CDH8: variants seen among roughly 807,000 people sequenced by gnomAD.
The protein encoded by CDH8 is cadherin-8.
A neutral mutation model predicts 68.1 loss-of-function variants in CDH8; 17 were observed. That is an observed-to-expected ratio of 0.25 (90% CI 0.17 to 0.37). The LOEUF (loss-of-function observed/expected upper bound fraction) is 0.37, where lower values mean the gene tolerates loss of function less well. Among genes scored for constraint, CDH8 ranks in the 10% least tolerant of loss-of-function variants. The pLI is 1.00. For missense variants in CDH8, 763 were observed against 999.3 expected (o/e 0.76, Z 3.19); for synonymous variants, 372 against 365.1 (o/e 1.02, Z -0.21).
chr16:61,871,815 C>CAAAAAAAAAA (rs144379377), intron 3 of CDH8, among the ~76,000 whole-genome samples: 5 of 43,346 alleles, frequency 1.2e-4, no homozygotes, highest in Admixed American at 4.3e-4. Context: ...GTTCTATATG[C>CAAAAAAAAAA]AAAAAAAAAA....
At chr16:61,816,535 A>G (rs1424719044) in intron 7 of CDH8, among the ~76,000 whole-genome samples, 1 of 152,172 alleles carries the variant, frequency 6.6e-6, no homozygotes, top group Non-Finnish European at 1.5e-5. Flanking sequence ...TTAAAATTGT[A>G]TTCCTCCATC....
At chr16:61,754,066 T>C (rs886961260) in intron 8 of CDH8, among the ~76,000 whole-genome samples, 1 of 152,172 alleles carries the variant, frequency 6.6e-6, no homozygotes, top group African/African-American at 2.4e-5. Flanking sequence ...AACTTAATAC[T>C]GTCTGAATGT....
intron 2 of CDH8, among the ~76,000 whole-genome samples, chr16:61,968,681 C>G (rs1354503791): frequency 6.6e-6 from 1 of 152,238 alleles, no homozygotes; most frequent in African/African-American, 2.4e-5. Flanking sequence ...AATAAACTCT[C>G]ATTTGCATTG....
chr16:62,022,871 T>C (rs1471979454), intron 1 of CDH8, among the ~76,000 whole-genome samples: 1 of 151,990 alleles, frequency 6.6e-6, no homozygotes, highest in Non-Finnish European at 1.5e-5. Flanking sequence ...ACCCTGCTTG[T>C]CATTCTTTGC....
intron 8 of CDH8, among the ~76,000 whole-genome samples, chr16:61,765,462 C>G (rs1263641973): frequency 6.6e-6 from 1 of 151,924 alleles, no homozygotes; most frequent in East Asian, 1.9e-4. Context: ...TCAGCTTTAC[C>G]CCACATCTGT....
chr16:61,802,125 G>C (rs1446260171), intron 7 of CDH8, among the ~76,000 whole-genome samples: 12 of 129,598 alleles, frequency 9.3e-5, no homozygotes, highest in South Asian at 2.4e-4. Context: ...ATCTGAGAAC[G>C]GGCAGACTGC....
In CDH8 at chr16:61,959,978, G is replaced by GTATA. The variant is rs1230866201; in HGVS notation, c.253-58506_253-58505insTATA. On this transcript the variant is annotated intron_variant, in intron 2 of 11. Transcript: ENST00000577390. ...TTCTCTGTATGTGGTGTATGTGTGTGTGTGTGTATATATATATATATATAT... is the reference window on the plus strand; with the variant it reads ...TTCTCTGTATGTGGTGTATGTGTGTGTATATGTGTGTATATATATATATATATAT... 4.3e-4 allele frequency among the ~76,000 whole-genome samples: 20 copies of GTATA among 46,512 alleles called. 1 individual carries two copies. The highest frequency in any genetic ancestry group is 1.0e-3 in the East Asian group (1 of 986). 30.5% of individuals were successfully genotyped at this position (46,512 alleles called of 152,430 possible).
At chr16:62,011,042 AT>A (rs150102600) in intron 2 of CDH8, among the ~76,000 whole-genome samples, 25,063 of 150,830 alleles carry the variant, frequency 0.17, 2,282 homozygotes, top group Non-Finnish European at 0.21. Flanking sequence ...AGAAAAAAAA[AT>A]AAATAAATGT....
Position 61,960,151 on chromosome 16 carries a change from A to G in CDH8, c.253-58678T>C, listed in dbSNP as rs111614875. On this transcript the variant is annotated intron_variant, in intron 2 of 11. Coordinates refer to ENST00000577390, the MANE Select transcript of CDH8 (RefSeq NM_001796.5). ...TGTGTATACACATACATATATACATATGTGTGTGTGTATACACATACATAT... is the reference window on the plus strand; with the variant it reads ...TGTGTATACACATACATATATACATGTGTGTGTGTGTATACACATACATAT... 9.1e-4 allele frequency among the ~76,000 whole-genome samples: 47 copies of G among 51,830 alleles called. 11 individuals carry two copies. The highest frequency in any genetic ancestry group is 3.4e-3 in the East Asian group (5 of 1,470). The allele number at this position is 51,830 out of a possible 152,430, so 34.0% of individuals were successfully genotyped here.
chr16:62,014,247 A>G (rs145737440), intron 2 of CDH8, among the ~76,000 whole-genome samples: 120 of 152,256 alleles, frequency 7.9e-4, no homozygotes, highest in South Asian at 1.5e-3. Flanking sequence ...TGCTAATTTA[A>G]ATGACTAATA....
chr16:62,017,283 T>C (rs780547214), intron 2 of CDH8, among the ~76,000 whole-genome samples: 6 of 152,116 alleles, frequency 3.9e-5, no homozygotes, highest in Non-Finnish European at 8.8e-5. Context: ...TGTTAGATAA[T>C]GATTATCAGG....
At chr16:61,764,769 C>A (rs567927063) in intron 8 of CDH8, among the ~76,000 whole-genome samples, 1 of 152,022 alleles carries the variant, frequency 6.6e-6, no homozygotes, top group African/African-American at 2.4e-5. Flanking sequence ...TACAGATATA[C>A]AAATACCCCA....
chr16:61,921,306 T>C (rs1411099585), intron 2 of CDH8, among the ~76,000 whole-genome samples: 1 of 151,856 alleles, frequency 6.6e-6, no homozygotes, highest in Non-Finnish European at 1.5e-5. Context: ...CCTGATTGTT[T>C]CATTTGTAAG....
chr16:61,715,043 G>T (rs1434827656), intron 9 of CDH8, among the ~76,000 whole-genome samples: 1 of 151,518 alleles, frequency 6.6e-6, no homozygotes, highest in Non-Finnish European at 1.5e-5. Flanking sequence ...ATGGGGCTTT[G>T]CATTGTATCA....
rs1220135222 is a variant in CDH8, at chr16:61,682,627, C to G, written c.1655-26906G>C. On this transcript the variant is annotated intron_variant, in intron 10 of 11. Transcript: ENST00000577390. ...GTTTTTCCTCAATTATTACTCTTGT[C>G]CTTCATCAGCCCTCATTTTAAAGAT... 3.3e-5 allele frequency among the ~76,000 whole-genome samples: 5 copies of G among 151,052 alleles called. No individual in the cohort carries two copies. The Admixed American group carries it at 3.3e-4, about 10-fold the overall frequency.
intron 2 of CDH8, among the ~76,000 whole-genome samples, chr16:61,986,701 G>A (rs1965634910): frequency 6.6e-6 from 1 of 152,164 alleles, no homozygotes; most frequent in Non-Finnish European, 1.5e-5. Context: ...CTGTATGAAG[G>A]TAGATTAGAG....
In CDH8 at chr16:61,820,940, T is replaced by G. The variant is rs1228149704; in HGVS notation, c.1009A>C (p.Ile337Leu). The G allele has an allele frequency of 1.2e-6, 2 of 1,611,702 alleles. No homozygotes were observed. Among genetic ancestry groups the G allele is most frequent in the Non-Finnish European group, 1.7e-6 (2 of 1,178,534 alleles). Reference sequence around the variant, plus strand: ...CCTTAGCTTACTTTTCTTAGCCTTATAATGCCATCCTGGGCCTGGGCATCA... The same window carrying G: ...CCTTAGCTTACTTTTCTTAGCCTTAGAATGCCATCCTGGGCCTGGGCATCA... ...TSDAQAQDGI[I>L]RLRKPLDFET... The change falls in exon 6 of 12, where the codon ATA becomes CTA. Residue 337 changes from isoleucine (I) to leucine (L), a missense_variant. This residue lies in a region of CDH8 where 366 missense variants were observed against 563.1 expected (regional missense o/e 0.65). Coordinates refer to ENST00000577390, the MANE Select transcript of CDH8 (RefSeq NM_001796.5).
At chr16:61,993,574 TA>T (rs888392768) in intron 2 of CDH8, among the ~76,000 whole-genome samples, 1 of 152,086 alleles carries the variant, frequency 6.6e-6, no homozygotes, top group Non-Finnish European at 1.5e-5. Flanking sequence ...TATGATAAAA[TA>T]AAAAATAAAA....
Position 61,866,226 on chromosome 16 carries a change from TA to T in CDH8, c.548-8989del, listed in dbSNP as rs908958877. On this transcript the variant is annotated intron_variant, in intron 3 of 11. Coordinates refer to ENST00000577390, the MANE Select transcript of CDH8 (RefSeq NM_001796.5). ...GTGACAGAGTGAGACCCTGTCTCAA[TA>T]AAAAAAAAAAAGAAATGTAATTCAT... Among the ~76,000 whole-genome samples the T allele has an allele frequency of 2.6e-3, 358 of 135,612 alleles. 5 individuals carry two copies. Among genetic ancestry groups the T allele is most frequent in the East Asian group, 0.023 (109 of 4,710 alleles). The allele number at this position is 135,612 out of a possible 152,430, so 89.0% of individuals were successfully genotyped here. A position where few individuals can be genotyped will look rare whatever the true frequency, so the allele number is the denominator to read the frequency against.
Sources: allele counts gnomAD v4.1 joint callset (sites outside exome capture counted in the v4.1 genomes callset), GRCh38; gene constraint gnomAD v4.1.1; regional missense constraint gnomAD v4.1.1; transcripts MANE v1.5; gene names NCBI Gene and HGNC (gene_info 2026-07-23, HGNC 2026-07-21).